RUNX2: variants seen among roughly 807,000 people sequenced by gnomAD.
RUNX2 encodes the protein runt-related transcription factor 2.
A neutral mutation model predicts 51.7 loss-of-function variants in RUNX2; 10 were observed. The observed-to-expected ratio is 0.19, with a 90% confidence interval of 0.12 to 0.33. The LOEUF (loss-of-function observed/expected upper bound fraction) is 0.33, where lower values mean the gene tolerates loss of function less well. Ranked by LOEUF, RUNX2 falls within the 10% of genes least tolerant of loss-of-function variation. RUNX2 has a pLI of 1.00. For synonymous variants in RUNX2, 276 were observed against 273.6 expected (o/e 1.01, Z -0.09); for missense variants, 562 against 691.3 (o/e 0.81, Z 2.10).
At chr6:45,534,286 C>T (rs1051264228) in intron 7 of RUNX2, among the ~76,000 whole-genome samples, 3 of 152,222 alleles carry the variant, frequency 2.0e-5, no homozygotes, top group Non-Finnish European at 2.9e-5. Context: ...GGAAACCCAA[C>T]GCGTTCACTT....
intron 2 of RUNX2, among the ~76,000 whole-genome samples, chr6:45,335,513 A>C (rs574138899): frequency 6.6e-6 from 1 of 151,440 alleles, no homozygotes; most frequent in South Asian, 2.1e-4. Flanking sequence ...AGCTCATTAA[A>C]ATACATTTTT....
intron 6 of RUNX2, among the ~76,000 whole-genome samples, chr6:45,505,401 A>G (rs1478948207): frequency 1.3e-5 from 2 of 150,026 alleles, no homozygotes; most frequent in South Asian, 2.1e-4. Context: ...TCCCTTCTCA[A>G]TATAACTCCA....
At chr6:45,459,925 G>T (rs1314280169) in intron 5 of RUNX2, among the ~76,000 whole-genome samples, 2 of 152,154 alleles carry the variant, frequency 1.3e-5, no homozygotes, top group Non-Finnish European at 2.9e-5. Context: ...AAGAGCAAAG[G>T]CATTGAGGCC....
chr6:45,331,752 T>C (rs1787563271), intron 2 of RUNX2, among the ~76,000 whole-genome samples: 1 of 151,996 alleles, frequency 6.6e-6, no homozygotes, highest in South Asian at 2.1e-4. Context: ...AATCCGTCTC[T>C]ATATCACAAG....
At chr6:45,470,582 C>T (rs1799769216) in intron 5 of RUNX2, among the ~76,000 whole-genome samples, 1 of 152,178 alleles carries the variant, frequency 6.6e-6, no homozygotes. Context: ...TCACTGTGGA[C>T]CCTGATACTC....
At chr6:45,501,513 C>G (rs1800800817) in intron 6 of RUNX2, among the ~76,000 whole-genome samples, 1 of 152,216 alleles carries the variant, frequency 6.6e-6, no homozygotes. Context: ...TCCTTCAAGA[C>G]TTTGGTGAAG....
chr6:45,367,546 G>GA (rs1257510623), intron 2 of RUNX2, among the ~76,000 whole-genome samples: 3 of 151,930 alleles, frequency 2.0e-5, no homozygotes, highest in Admixed American at 1.3e-4. Flanking sequence ...GACAAAATGC[G>GA]AAAAAAAGGA....
chr6:45,476,324 C>T (rs2677110), intron 5 of RUNX2, among the ~76,000 whole-genome samples: 40,266 of 152,084 alleles, frequency 0.26, 6,043 homozygotes, highest in Non-Finnish European at 0.34. Flanking sequence ...CCATGAGATT[C>T]AAGGAGCCTT....
chr6:45,384,961 C>A (rs941244470), intron 2 of RUNX2, among the ~76,000 whole-genome samples: 1 of 152,126 alleles, frequency 6.6e-6, no homozygotes, highest in Non-Finnish European at 1.5e-5. Context: ...GCCTCAGCAT[C>A]CAAACTGCTG....
intron 2 of RUNX2, among the ~76,000 whole-genome samples, chr6:45,389,504 G>C (rs1003082484): frequency 6.6e-6 from 1 of 152,162 alleles, no homozygotes; most frequent in Non-Finnish European, 1.5e-5. Flanking sequence ...ATCCATATTT[G>C]TAAATCATAG....
chr6:45,410,039 T>C (rs965834760), intron 2 of RUNX2, among the ~76,000 whole-genome samples: 3 of 152,224 alleles, frequency 2.0e-5, no homozygotes, highest in Non-Finnish European at 4.4e-5. Context: ...TCACAAGATA[T>C]ATTTGTTTTC....
intron 2 of RUNX2, among the ~76,000 whole-genome samples, chr6:45,347,905 A>T (rs1193111335): frequency 6.6e-6 from 1 of 152,160 alleles, no homozygotes; most frequent in East Asian, 1.9e-4. Flanking sequence ...CAGTATGGTT[A>T]CCTGTGAATG....
Position 45,405,850 on chromosome 6 carries a change from C to T in RUNX2, c.59-16743C>T, listed in dbSNP as rs367768878. Among the ~76,000 whole-genome samples the T allele has an allele frequency of 3.5e-3, 532 of 152,108 alleles. 4 individuals are homozygous for T. Among genetic ancestry groups the T allele is most frequent in the African/African-American group, 0.012 (502 of 41,496 alleles). On this transcript the variant is annotated intron_variant, in intron 2 of 8. Coordinates refer to ENST00000647337, the MANE Select transcript of RUNX2 (RefSeq NM_001024630.4). ...ATAGAAATTGGCAAGTGCTATAGAT[C>T]GGTAGAATGGGTTCACATCTAGCAT...
chr6:45,378,829 ACT>A (rs1185265957), intron 2 of RUNX2, among the ~76,000 whole-genome samples: 1 of 151,744 alleles, frequency 6.6e-6, no homozygotes, highest in East Asian at 1.9e-4. Flanking sequence ...TCAGTCTTTC[ACT>A]CTTTATATTA....
At chr6:45,450,271 C>T (rs747053351) in intron 5 of RUNX2, among the ~76,000 whole-genome samples, 3 of 152,174 alleles carry the variant, frequency 2.0e-5, no homozygotes, top group Non-Finnish European at 2.9e-5. Context: ...GAGAAAGATC[C>T]GTTCCTCCCC....
intron 2 of RUNX2, among the ~76,000 whole-genome samples, chr6:45,387,792 G>A (rs1797383315): frequency 1.3e-5 from 2 of 152,202 alleles, no homozygotes; most frequent in South Asian, 2.1e-4. Flanking sequence ...CAGAAACCAG[G>A]AGAGCAGAGT....
intron 5 of RUNX2, among the ~76,000 whole-genome samples, chr6:45,489,704 GTGTC>G (rs112956330): frequency 0.051 from 7,720 of 152,240 alleles, 505 homozygotes; most frequent in East Asian, 0.21. Flanking sequence ...GTGCATGTGT[GTGTC>G]TGTGTGTGAG....
In RUNX2 at chr6:45,383,026, A is replaced by C. The variant is rs140694053; in HGVS notation, c.59-39567A>C. 5.3e-3 allele frequency among the ~76,000 whole-genome samples: 802 copies of C among 152,338 alleles called. 5 individuals are homozygous for C. Among genetic ancestry groups the C allele is most frequent in the African/African-American group, 0.018 (749 of 41,582 alleles). ...TTGCCTACATTAGCTGAGATGGGGA[A>C]GATTGGGGTTGGAGTATGCTGGGCA... On this transcript the variant is annotated intron_variant, in intron 2 of 8. Transcript: ENST00000647337.
At chr6:45,448,765 T>A (rs961466052) in intron 5 of RUNX2, among the ~76,000 whole-genome samples, 22 of 152,140 alleles carry the variant, frequency 1.4e-4, no homozygotes, top group Non-Finnish European at 2.8e-4. Flanking sequence ...AGCATGTATT[T>A]TGGTTGCGGG....
Sources: allele counts gnomAD v4.1 joint callset (sites outside exome capture counted in the v4.1 genomes callset), GRCh38; gene constraint gnomAD v4.1.1; transcripts MANE v1.5; gene names NCBI Gene and HGNC (gene_info 2026-07-23, HGNC 2026-07-21).